Variants in PTPN14 observed in about 807,000 individuals in gnomAD.
The protein encoded by PTPN14 is protein tyrosine phosphatase non-receptor type 14.
Under a neutral mutation model 126.8 loss-of-function variants are expected in PTPN14, and 53 were observed. The observed-to-expected ratio is 0.42, with a 90% confidence interval of 0.34 to 0.53. The LOEUF (loss-of-function observed/expected upper bound fraction) is 0.53. PTPN14 is among the 20% of genes least tolerant of loss of function. PTPN14 has a pLI of 0.08. For missense variants in PTPN14, 1,257 were observed against 1,552.9 expected, an observed-to-expected ratio of 0.81 and a Z score of 3.20; for synonymous variants, 630 against 599.3, an observed-to-expected ratio of 1.05 and a Z score of -0.75.
chr1:214,373,699 TAAAA>T (rs11299837), intron 15 of PTPN14, among the ~76,000 whole-genome samples: 1 of 143,158 alleles, frequency 7.0e-6, no homozygotes, highest in Non-Finnish European at 1.5e-5. Flanking sequence ...AATTAAACAA[TAAAA>T]AAAAAAAAAA....
chr1:214,391,085 T>TCA (rs751602305), intron 10 of PTPN14, 40 bp from the exon 11 acceptor site: 1 of 1,467,082 alleles, frequency 6.8e-7, no homozygotes, highest in Non-Finnish European at 9.4e-7. Flanking sequence ...GTTATTATTA[T>TCA]TGATATAAAA....
At chr1:214,492,115 A>T (rs1270967247) in intron 1 of PTPN14, among the ~76,000 whole-genome samples, 8 of 152,106 alleles carry the variant, frequency 5.3e-5, no homozygotes, top group Non-Finnish European at 1.2e-4. Context: ...TTAAAATATG[A>T]TATTCATTAA....
chr1:214,417,365 G>A (rs915153849), intron 3 of PTPN14, among the ~76,000 whole-genome samples: 1 of 152,056 alleles, frequency 6.6e-6, no homozygotes, highest in Non-Finnish European at 1.5e-5. Flanking sequence ...TATCTATTGG[G>A]AACTAACATG....
At position 214,512,851 on chromosome 1, in the gene PTPN14, C is replaced by T. The variant is rs143158306; in HGVS notation, c.-155+38332G>A. Among the ~76,000 whole-genome samples, 1,257 of 152,126 alleles carry T rather than the reference C, an allele frequency of 8.3e-3. 15 individuals carry two copies. The highest frequency in any genetic ancestry group is 0.029 in the African/African-American group (1,184 of 41,490). On this transcript the variant is annotated intron_variant, in intron 1 of 18. Coordinates refer to ENST00000366956, the MANE Select transcript of PTPN14 (RefSeq NM_005401.5). ...GACCACAGGCGCACATCATCATGCC[C>T]GGTTAATTTTTGTGTTTTTTTGTAG... is the stretch of plus-strand genomic sequence containing the variant.
intron 16 of PTPN14, chr1:214,372,354 TTCCAGTGGAAAGA>T (rs1658238858): frequency 3.4e-6 from 1 of 297,154 alleles, no homozygotes; most frequent in Admixed American, 4.9e-5. Context: ...GACTCCCAAA[TTCCAGTGGAAAGA>T]TCACTGTTTT....
chr1:214,504,606 C>T (rs777234262), intron 1 of PTPN14, among the ~76,000 whole-genome samples: 6 of 152,092 alleles, frequency 3.9e-5, no homozygotes, highest in Admixed American at 2.0e-4. Flanking sequence ...AGTAGCACAC[C>T]CATTAGCCAT....
At chr1:214,397,858 CA>C (rs1345311454) in intron 8 of PTPN14, 54 bp downstream of exon 8, 1 of 1,407,220 alleles carries the variant, frequency 7.1e-7, no homozygotes, top group East Asian at 2.3e-5. Flanking sequence ...GTAACATTAA[CA>C]TTACAGTTCC....
chr1:214,530,202 C>CAAGAGA (rs138622003), intron 1 of PTPN14: 6,719 of 152,146 alleles, frequency 0.044, 307 homozygotes, highest in African/African-American at 0.12. Context: ...AAGGAAAATG[C>CAAGAGA]AAGGAGAAAG....
At chr1:214,475,911 T>C (rs1424292252) in intron 1 of PTPN14, among the ~76,000 whole-genome samples, 3 of 152,188 alleles carry the variant, frequency 2.0e-5, no homozygotes, top group African/African-American at 4.8e-5. Flanking sequence ...CATGCTGATA[T>C]GACGCAGAAA....
intron 7 of PTPN14, among the ~76,000 whole-genome samples, chr1:214,401,135 G>C (rs575752273): frequency 1.3e-5 from 2 of 152,300 alleles, no homozygotes; most frequent in African/African-American, 2.4e-5. Context: ...TTCAGGAGGT[G>C]GATGTGCTGC....
chr1:214,492,231 A>T (rs1050513892), intron 1 of PTPN14, among the ~76,000 whole-genome samples: 7 of 152,196 alleles, frequency 4.6e-5, no homozygotes, highest in African/African-American at 1.7e-4. Flanking sequence ...AATAATGAGT[A>T]AAAGATCATC....
intron 3 of PTPN14, among the ~76,000 whole-genome samples, chr1:214,445,564 AC>A (rs763217900): frequency 0.039 from 5,879 of 151,052 alleles, 370 homozygotes; most frequent in African/African-American, 0.13. Context: ...AAAAAAAAAA[AC>A]CACAAAATTA....
intron 3 of PTPN14, 42 bp downstream of exon 3, chr1:214,451,763 G>C: frequency 6.3e-7 from 1 of 1,595,886 alleles, no homozygotes; most frequent in Non-Finnish European, 8.6e-7. Context: ...TTCACAGTTA[G>C]TCAACACCCT....
Position 214,409,993 on chromosome 1 carries a change from T to C in PTPN14, c.510+1691A>G, listed in dbSNP as rs544889552. Among the ~76,000 whole-genome samples the C allele has an allele frequency of 7.3e-4, 111 of 152,336 alleles. 1 individual carries two copies. In the South Asian group the frequency reaches 0.016, roughly 21 times the overall value. ...TCAGGTCCCTTGACCATTTTTTTAATAGGGCTATTTGTTTTCTTGTTGAGT... is the reference window on the plus strand; with the variant it reads ...TCAGGTCCCTTGACCATTTTTTTAACAGGGCTATTTGTTTTCTTGTTGAGT... On this transcript the variant is annotated intron_variant, in intron 5 of 18. Coordinates refer to ENST00000366956, the MANE Select transcript of PTPN14 (RefSeq NM_005401.5).
At chr1:214,435,971 T>C (rs1413123340) in intron 3 of PTPN14, among the ~76,000 whole-genome samples, 1 of 152,124 alleles carries the variant, frequency 6.6e-6, no homozygotes, top group African/African-American at 2.4e-5. Flanking sequence ...CCATTCACAA[T>C]AGCAAAGACA....
chr1:214,394,424 G>A (rs1305035881), intron 9 of PTPN14, among the ~76,000 whole-genome samples: 2 of 152,152 alleles, frequency 1.3e-5, no homozygotes, highest in East Asian at 1.9e-4. Flanking sequence ...ATTTTATTTT[G>A]TGAGATGGAG....
intron 3 of PTPN14, among the ~76,000 whole-genome samples, chr1:214,419,819 CG>C (rs1289182623): frequency 6.6e-6 from 1 of 152,082 alleles, no homozygotes; most frequent in African/African-American, 2.4e-5. Context: ...TCCATTCCAG[CG>C]GGTGTTCACA....
chr1:214,481,846 G>T (rs1234601665), intron 1 of PTPN14, among the ~76,000 whole-genome samples: 4 of 151,962 alleles, frequency 2.6e-5, no homozygotes, highest in African/African-American at 9.7e-5. Flanking sequence ...AATTAGCTGG[G>T]CATGGTGGCG....
At chr1:214,500,598 T>G (rs912303610) in intron 1 of PTPN14, among the ~76,000 whole-genome samples, 6 of 151,610 alleles carry the variant, frequency 4.0e-5, no homozygotes, top group African/African-American at 1.4e-4. Flanking sequence ...AAGGACAACC[T>G]CCTAATGTTT....
Sources: gnomAD v4.1 joint callset for allele counts (sites outside exome capture counted in the v4.1 genomes callset) on GRCh38, gnomAD v4.1.1 for gene constraint, MANE v1.5 for transcripts, NCBI Gene and HGNC (gene_info 2026-07-23, HGNC 2026-07-21) for gene names.